Variants in TCF20 observed in about 807,000 individuals in gnomAD.
The protein encoded by TCF20 is transcription factor 20, also known as SPRE-binding protein.
TCF20 carries 3 observed loss-of-function variants against 148.6 expected under a neutral mutation model. That is an observed-to-expected ratio of 0.02 (90% CI 0.01 to 0.05). The LOEUF (loss-of-function observed/expected upper bound fraction) is 0.05, where lower values mean the gene tolerates loss of function less well. Among genes scored for constraint, TCF20 ranks in the 10% least tolerant of loss-of-function variants. The pLI, the probability that TCF20 is intolerant of heterozygous loss-of-function variation, is 1.00. For synonymous variants in TCF20, 1,049 were observed against 909.5 expected (o/e 1.15, Z -2.76); for missense variants, 2,350 against 2,429.3 (o/e 0.97, Z 0.69).
At chr22:42,196,193 T>G (rs2147144941) in intron 2 of TCF20, among the ~76,000 whole-genome samples, 1 of 152,130 alleles carries the variant, frequency 6.6e-6, no homozygotes, top group South Asian at 2.1e-4. Flanking sequence ...ACTATTGGAG[T>G]GACTTGGGGG....
intron 1 of TCF20, among the ~76,000 whole-genome samples, chr22:42,316,107 C>CAAAAAAAAAAAAAAAAAA (rs758537263): frequency 2.1e-5 from 1 of 48,594 alleles, no homozygotes; most frequent in Non-Finnish European, 4.3e-5. Flanking sequence ...GACTCTGTCT[C>CAAAAAAAAAAAAAAAAAA]AAAAAAAAAA....
At chr22:42,295,878 C>T (rs1345631220) in intron 1 of TCF20, among the ~76,000 whole-genome samples, 2 of 152,176 alleles carry the variant, frequency 1.3e-5, no homozygotes, top group Non-Finnish European at 1.5e-5. Context: ...ACCCATATAC[C>T]CATCCCCTCC....
intron 1 of TCF20, among the ~76,000 whole-genome samples, chr22:42,261,725 G>A (rs752833474): frequency 2.6e-5 from 4 of 152,194 alleles, no homozygotes; most frequent in Non-Finnish European, 4.4e-5. Context: ...TCCAGATGGT[G>A]GCTCACACCT....
At chr22:42,296,639 G>A (rs1234531748) in intron 1 of TCF20, among the ~76,000 whole-genome samples, 6 of 152,190 alleles carry the variant, frequency 3.9e-5, no homozygotes, top group Admixed American at 6.5e-5. Flanking sequence ...GCTGTCAGCC[G>A]GGAGGCAGGC....
At position 42,212,158 on chromosome 22, in the gene TCF20, T is replaced by C; in HGVS notation, c.3148A>G (p.Thr1050Ala). The C allele has an allele frequency of 6.2e-7, 1 of 1,613,624 alleles. No individual in the cohort carries two copies. The highest frequency in any genetic ancestry group is 1.1e-5 in the South Asian group (1 of 91,036). The stretch of plus-strand genomic sequence containing the variant: ...GTTTCTGAGTTGGGAGAAAAGGGAG[T>C]GTGTAAAGAACTCCGGTTAGCCCTC... ...SERANRSSLH[T>A]PFSPNSETLA... The change falls in exon 2 of 6, where the codon ACT becomes GCT. Residue 1050 changes from threonine to alanine, a missense_variant. Thr to Ala is a moderately conservative substitution (Grantham distance 58). This residue lies in a region of TCF20 where 1,641 missense variants were observed against 1,662.6 expected (regional missense o/e 0.99). Coordinates refer to ENST00000677622, the MANE Select transcript of TCF20 (RefSeq NM_001378418.1).
At chr22:42,304,562 C>G (rs1927400100) in intron 1 of TCF20, among the ~76,000 whole-genome samples, 1 of 152,198 alleles carries the variant, frequency 6.6e-6, no homozygotes, top group Admixed American at 6.5e-5. Context: ...ATCCCCTTGC[C>G]TGGTCCTGGG....
chr22:42,202,527 C>G (rs1938104617), intron 2 of TCF20, among the ~76,000 whole-genome samples: 1 of 152,208 alleles, frequency 6.6e-6, no homozygotes, highest in Admixed American at 6.5e-5. Flanking sequence ...CCCAGGCCTC[C>G]CCTCTACACA....
In TCF20 at chr22:42,209,793, A is replaced by G. The variant is rs771087351; in HGVS notation, c.5513T>C (p.Leu1838Pro). The G allele has an allele frequency of 6.2e-7, 1 of 1,614,224 alleles. No homozygotes were observed. Among genetic ancestry groups the G allele is most frequent in the East Asian group, 2.2e-5 (1 of 44,882 alleles). The change falls in exon 2 of 6, where the codon CTG becomes CCG. Residue 1838 changes from leucine (L) to proline (P), a missense_variant. Physicochemically the swap from Leu to Pro is moderately conservative, Grantham distance 98. Around this residue, in one of 7 missense-constraint regions of TCF20, gnomAD observed 374 missense variants for 398.3 expected, o/e 0.94. Transcript: ENST00000677622. ...VPTTSEGGPE[L>P]ELQIPELPLD... ...AGGTAGTTCAGGGATTTGTAACTCCAGCTCAGGGCCACCTTCTGAAGTGGT... is the reference window on the plus strand; with the variant it reads ...AGGTAGTTCAGGGATTTGTAACTCCGGCTCAGGGCCACCTTCTGAAGTGGT...
At chr22:42,167,585 G>C (rs1315950802) in intron 5 of TCF20, among the ~76,000 whole-genome samples, 1 of 152,144 alleles carries the variant, frequency 6.6e-6, no homozygotes, top group Non-Finnish European at 1.5e-5. Context: ...GAGGGTGAAG[G>C]AGCAGCATGG....
chr22:42,302,777 T>C (rs1927360706), intron 1 of TCF20, among the ~76,000 whole-genome samples: 1 of 152,156 alleles, frequency 6.6e-6, no homozygotes, highest in African/African-American at 2.4e-5. Context: ...CATCCTGTAG[T>C]TCCGGAACAA....
chr22:42,272,578 C>T (rs1055196383), upstream of TCF20, among the ~76,000 whole-genome samples: 19 of 152,198 alleles, frequency 1.2e-4, no homozygotes, highest in African/African-American at 4.1e-4. Context: ...GGAGTCCAGG[C>T]GCCTGTCAGC....
intron 1 of TCF20, among the ~76,000 whole-genome samples, chr22:42,243,100 A>G (rs140873422): frequency 6.6e-6 from 1 of 151,976 alleles, no homozygotes; most frequent in African/African-American, 2.4e-5. Context: ...TAGTGAAACA[A>G]TTCTGTATAA....
At chr22:42,284,144 G>A (rs796118499), upstream of TCF20, among the ~76,000 whole-genome samples, 1 of 152,258 alleles carries the variant, frequency 6.6e-6, no homozygotes, top group South Asian at 2.1e-4. Context: ...GAGGAGGGAG[G>A]GGAGCACCCG....
At chr22:42,324,367 A>T (rs886069118) in intron 1 of TCF20, among the ~76,000 whole-genome samples, 3 of 152,070 alleles carry the variant, frequency 2.0e-5, no homozygotes, top group African/African-American at 7.3e-5. Flanking sequence ...GACTTGAGAG[A>T]AATGGAAACT....
At chr22:42,304,244 G>A (rs546412665) in intron 1 of TCF20, among the ~76,000 whole-genome samples, 24 of 152,334 alleles carry the variant, frequency 1.6e-4, no homozygotes, top group East Asian at 5.8e-4. Flanking sequence ...TTAGCTGCCC[G>A]TTCCACGGAA....
intron 2 of TCF20, among the ~76,000 whole-genome samples, chr22:42,196,036 G>C (rs1388587529): frequency 3.9e-5 from 6 of 152,218 alleles, no homozygotes; most frequent in African/African-American, 1.4e-4. Flanking sequence ...CCCAAGAGCA[G>C]CTCCAGCTTA....
At chr22:42,237,937 A>G (rs1183141207) in intron 1 of TCF20, among the ~76,000 whole-genome samples, 1 of 152,196 alleles carries the variant, frequency 6.6e-6, no homozygotes, top group East Asian at 1.9e-4. Context: ...TTTAGCATAA[A>G]TTTATGGGCC....
At chr22:42,261,215 A>T (rs963917430) in intron 1 of TCF20, among the ~76,000 whole-genome samples, 4 of 152,168 alleles carry the variant, frequency 2.6e-5, no homozygotes, top group African/African-American at 9.7e-5. Flanking sequence ...TTGTATGAAC[A>T]TGCCAATTTG....
intron 1 of TCF20, among the ~76,000 whole-genome samples, chr22:42,325,251 C>A (rs745442266): frequency 8.5e-5 from 13 of 152,210 alleles, no homozygotes; most frequent in Non-Finnish European, 1.6e-4. Flanking sequence ...ATGTTCTGGG[C>A]GGGGCCAGGC....
Sources: allele counts gnomAD v4.1 joint callset (sites outside exome capture counted in the v4.1 genomes callset), GRCh38; gene constraint gnomAD v4.1.1; regional missense constraint gnomAD v4.1.1; transcripts MANE v1.5; gene names NCBI Gene and HGNC (gene_info 2026-07-23, HGNC 2026-07-21).